Variants in KCNH8 observed in about 807,000 individuals in gnomAD.
KCNH8 encodes potassium voltage-gated channel subfamily H member 8.
Under a neutral mutation model 103.6 loss-of-function variants are expected in KCNH8, and 70 were observed. That is an observed-to-expected ratio of 0.68 (90% confidence interval 0.56 to 0.82). The LOEUF is 0.82. Among genes scored for constraint, KCNH8 ranks in the 40% least tolerant of loss-of-function variants. KCNH8 has a pLI of 0.00. For missense variants in KCNH8, 1,217 were observed against 1,329.9 expected (o/e 0.92, Z 1.32); for synonymous variants, 498 against 489.4 (o/e 1.02, Z -0.23).
At chr3:19,203,566 T>C (rs2063684594) in intron 1 of KCNH8, among the ~76,000 whole-genome samples, 1 of 152,062 alleles carries the variant, frequency 6.6e-6, no homozygotes, top group Non-Finnish European at 1.5e-5. Flanking sequence ...ATGTTATTCA[T>C]AAAAATGCAT....
chr3:19,408,650 A>G (rs1401298427), intron 7 of KCNH8, among the ~76,000 whole-genome samples: 2 of 152,150 alleles, frequency 1.3e-5, no homozygotes, highest in Non-Finnish European at 2.9e-5. Context: ...AGGAAGAGAT[A>G]AATGCCCTAA....
chr3:19,250,469 G>A (rs2064262653), intron 1 of KCNH8, among the ~76,000 whole-genome samples: 1 of 152,150 alleles, frequency 6.6e-6, no homozygotes, highest in Non-Finnish European at 1.5e-5. Flanking sequence ...GTAGGAATAT[G>A]GGAAAATATA....
chr3:19,282,882 T>C (rs1396826241), intron 3 of KCNH8, among the ~76,000 whole-genome samples: 2 of 152,178 alleles, frequency 1.3e-5, no homozygotes, highest in Non-Finnish European at 2.9e-5. Flanking sequence ...ATCACCTTTA[T>C]TTTTGATGAA....
Position 19,286,461 on chromosome 3 carries a change from A to G in KCNH8, c.442+5132A>G, listed in dbSNP as rs190415983. On this transcript the variant is annotated intron_variant, in intron 3 of 15. Coordinates refer to ENST00000328405, the MANE Select transcript of KCNH8 (RefSeq NM_144633.3). ...GCCAAGGAGAGTCCTCAGGAAACCAACCTGCCAAACCAACCTTAATCTTGA... is the reference window on the plus strand; with the variant it reads ...GCCAAGGAGAGTCCTCAGGAAACCAGCCTGCCAAACCAACCTTAATCTTGA... Among the ~76,000 whole-genome samples, 533 of 152,244 alleles carry G rather than the reference A, an allele frequency of 3.5e-3. 3 individuals carry two copies. The highest frequency in any genetic ancestry group is 5.9e-3 in the Non-Finnish European group (400 of 68,012).
chr3:19,494,958 AG>A (rs2068407017), intron 11 of KCNH8, among the ~76,000 whole-genome samples: 1 of 152,144 alleles, frequency 6.6e-6, no homozygotes, highest in South Asian at 2.1e-4. Context: ...AGTGATGATG[AG>A]CATTTTTTCA....
rs534699231 is a variant in KCNH8, at chr3:19,314,570, TAAAC to T, written c.443-27994_443-27991del. ...GTGCTACAGAACAAAACCCTGTCTC[TAAAC>T]AAACAAACAAACAAACAAACAACAA... On this transcript the variant is annotated intron_variant, in intron 3 of 15. Transcript: ENST00000328405. 3.2e-3 allele frequency among the ~76,000 whole-genome samples: 484 copies of T among 151,778 alleles called. 4 individuals carry two copies. Among genetic ancestry groups the T allele is most frequent in the Admixed American group, 9.7e-3 (148 of 15,204 alleles).
intron 1 of KCNH8, among the ~76,000 whole-genome samples, chr3:19,189,836 G>A (rs60043706): frequency 0.045 from 6,767 of 152,032 alleles, 543 homozygotes; most frequent in African/African-American, 0.15. Context: ...TCACATATCA[G>A]TTGCTGAGAT....
chr3:19,403,361 A>AATATATATAT (rs57523893), intron 7 of KCNH8, among the ~76,000 whole-genome samples: 1,470 of 123,978 alleles, frequency 0.012, 22 homozygotes, highest in Non-Finnish European at 0.013. Context: ...ATATGTAAAG[A>AATATATATAT]ATATATATAT....
chr3:19,234,308 C>T (rs2064033221), intron 1 of KCNH8, among the ~76,000 whole-genome samples: 1 of 152,194 alleles, frequency 6.6e-6, no homozygotes, highest in African/African-American at 2.4e-5. Context: ...TTGGGTGGTC[C>T]ATGGGACTGG....
At chr3:19,510,600 T>C (rs1055425185) in intron 12 of KCNH8, among the ~76,000 whole-genome samples, 199 bp downstream of exon 12, 4 of 152,198 alleles carry the variant, frequency 2.6e-5, no homozygotes, top group Admixed American at 2.6e-4. Context: ...ATGGGAGCAT[T>C]TTATAGTTAT....
Position 19,379,892 on chromosome 3 carries a change from A to G in KCNH8, c.812-10589A>G, listed in dbSNP as rs1291427046. Among the ~76,000 whole-genome samples, 3 of 152,298 alleles carry G rather than the reference A, an allele frequency of 2.0e-5. No individual in the cohort carries two copies. The East Asian group carries it at 5.8e-4, about 29-fold the overall frequency. On this transcript the variant is annotated intron_variant, in intron 5 of 15. Coordinates refer to ENST00000328405, the MANE Select transcript of KCNH8 (RefSeq NM_144633.3). Reference sequence around the variant, plus strand: ...CAATAAAGAAAATTTGGTTTCATCCATATTGCTAGGAGAAACAAAAAAACA... The same window carrying G: ...CAATAAAGAAAATTTGGTTTCATCCGTATTGCTAGGAGAAACAAAAAAACA...
chr3:19,455,670 C>T (rs555669036), intron 10 of KCNH8, among the ~76,000 whole-genome samples: 12 of 152,142 alleles, frequency 7.9e-5, no homozygotes, highest in South Asian at 4.1e-4. Flanking sequence ...GTCCAGCACG[C>T]GTGGTCAGTT....
chr3:19,236,084 T>C (rs977504413), intron 1 of KCNH8, among the ~76,000 whole-genome samples: 1 of 152,204 alleles, frequency 6.6e-6, no homozygotes, highest in African/African-American at 2.4e-5. Context: ...GGCATAGTCT[T>C]AGACCTTTAA....
At chr3:19,225,513 A>G (rs1202952275) in intron 1 of KCNH8, among the ~76,000 whole-genome samples, 2 of 152,086 alleles carry the variant, frequency 1.3e-5, no homozygotes, top group African/African-American at 4.8e-5. Context: ...GTTTTTTAGT[A>G]TCTGTTCTTC....
intron 12 of KCNH8, among the ~76,000 whole-genome samples, chr3:19,510,660 G>A (rs909504085): frequency 1.3e-5 from 2 of 152,112 alleles, no homozygotes; most frequent in African/African-American, 4.8e-5. Context: ...AAGTCCTAAG[G>A]TGTTAATCTT....
At chr3:19,491,334 GCT>G (rs1043393943) in intron 11 of KCNH8, among the ~76,000 whole-genome samples, 1 of 152,062 alleles carries the variant, frequency 6.6e-6, no homozygotes, top group Non-Finnish European at 1.5e-5. Context: ...CCCCTTCCCC[GCT>G]CTCTCTAGCA....
At chr3:19,417,222 G>A (rs1290136396) in intron 7 of KCNH8, among the ~76,000 whole-genome samples, 7 of 148,828 alleles carry the variant, frequency 4.7e-5, no homozygotes, top group Non-Finnish European at 1.0e-4. Context: ...ATATGTATAT[G>A]TGTGTGTATA....
intron 7 of KCNH8, among the ~76,000 whole-genome samples, chr3:19,397,745 T>A (rs1282772317): frequency 6.6e-6 from 1 of 151,814 alleles, no homozygotes; most frequent in African/African-American, 2.4e-5. Context: ...TACTGGGATA[T>A]GACTAGCAAG....
intron 7 of KCNH8, among the ~76,000 whole-genome samples, chr3:19,412,806 GCAA>G (rs1330722019): frequency 8.6e-5 from 13 of 151,906 alleles, no homozygotes; most frequent in Non-Finnish European, 1.9e-4. Flanking sequence ...TAAGAGAAAT[GCAA>G]GTTAAAACCG....
Sources: gnomAD v4.1 joint callset for allele counts (sites outside exome capture counted in the v4.1 genomes callset) on GRCh38, gnomAD v4.1.1 for gene constraint, MANE v1.5 for transcripts, NCBI Gene and HGNC (gene_info 2026-07-23, HGNC 2026-07-21) for gene names.